CFAP61: variants seen among roughly 807,000 people sequenced by gnomAD.
The protein encoded by CFAP61 is cilia- and flagella-associated protein 61.
CFAP61 carries 107 observed loss-of-function variants against 135.6 expected under a neutral mutation model. The observed-to-expected ratio is 0.79, with a 90% CI of 0.67 to 0.93. CFAP61 has a LOEUF of 0.93. Among genes scored for constraint, CFAP61 ranks in the 40% least tolerant of loss-of-function variants. The pLI is 0.00. For synonymous variants in CFAP61, 575 were observed against 578.5 expected (o/e 0.99, Z 0.09); for missense variants, 1,507 against 1,556.2 (o/e 0.97, Z 0.53).
chr20:20,277,984 C>A (rs954226168), intron 22 of CFAP61, among the ~76,000 whole-genome samples: 12 of 152,212 alleles, frequency 7.9e-5, no homozygotes, highest in African/African-American at 2.9e-4. Context: ...CCTCTGAAAT[C>A]AAGCAGCATT....
Position 20,106,606 on chromosome 20 carries a change from T to C in CFAP61, c.859+7792T>C, listed in dbSNP as rs185542210. 2.6e-5 allele frequency among the ~76,000 whole-genome samples: 4 copies of C among 152,342 alleles called. No homozygotes were observed. In the East Asian group the frequency reaches 7.7e-4, roughly 29 times the overall value. Reference sequence around the variant, plus strand: ...GTGGCTTTATTTATATTCGTTATGATCATTATGTGCTGGGATTATTTTCTC... The same window carrying C: ...GTGGCTTTATTTATATTCGTTATGACCATTATGTGCTGGGATTATTTTCTC... On this transcript the variant is annotated intron_variant, in intron 8 of 26. Coordinates refer to ENST00000245957, the MANE Select transcript of CFAP61 (RefSeq NM_015585.4).
intron 21 of CFAP61, chr20:20,267,720 G>A (rs1373455462): frequency 6.6e-6 from 1 of 152,264 alleles, no homozygotes; most frequent in Non-Finnish European, 1.5e-5. Flanking sequence ...ACGGTTTGAA[G>A]GGTGAGTTAA....
At chr20:20,334,021 A>G (rs375533450) in intron 25 of CFAP61, among the ~76,000 whole-genome samples, 138 of 152,270 alleles carry the variant, frequency 9.1e-4, no homozygotes, top group African/African-American at 3.2e-3. Flanking sequence ...GAGGCAAACC[A>G]TGCACTTGGA....
chr20:20,360,417 G>A lies in CFAP61; in HGVS notation c.*7G>A, dbSNP rs368245807. ...GTGGCCAGGCATCGTTTAGTTGTAG[G>A]CAGGGTCTCCCCTTTATGGTTTTCA... On this transcript the variant is annotated 3_prime_UTR_variant, in exon 27 of 27. Coordinates refer to ENST00000245957, the MANE Select transcript of CFAP61 (RefSeq NM_015585.4). The A allele has an allele frequency of 3.1e-6, 5 of 1,612,968 alleles. No individual in the cohort carries two copies. The highest frequency in any genetic ancestry group is 1.7e-5 in the Admixed American group (1 of 60,000).
chr20:20,278,852 A>G (rs750886833), intron 22 of CFAP61, among the ~76,000 whole-genome samples: 9 of 152,192 alleles, frequency 5.9e-5, no homozygotes. Flanking sequence ...TTATTCATTC[A>G]TTCCATAAAT....
Position 20,231,781 on chromosome 20 carries a change from A to T in CFAP61, c.2060+3405A>T, listed in dbSNP as rs149642670. ...CTTGCATTGCAGGGCATTGAGGAAGAAAACACCAGCTTGTACTATGGGGTA... is the reference window on the plus strand; with the variant it reads ...CTTGCATTGCAGGGCATTGAGGAAGTAAACACCAGCTTGTACTATGGGGTA... On this transcript the variant is annotated intron_variant, in intron 18 of 26. Coordinates refer to ENST00000245957, the MANE Select transcript of CFAP61 (RefSeq NM_015585.4). 2.8e-3 allele frequency among the ~76,000 whole-genome samples: 431 copies of T among 152,362 alleles called. 4 individuals carry two copies. The highest frequency in any genetic ancestry group is 0.01 in the Middle Eastern group (3 of 294).
intron 22 of CFAP61, among the ~76,000 whole-genome samples, chr20:20,283,209 CT>C (rs2054332339): frequency 6.6e-6 from 1 of 151,992 alleles, no homozygotes; most frequent in Admixed American, 6.6e-5. Context: ...TTTGCTTTAT[CT>C]TTTTGGGGGC....
At chr20:20,205,844 T>C (rs2056832664) in intron 17 of CFAP61, among the ~76,000 whole-genome samples, 1 of 152,194 alleles carries the variant, frequency 6.6e-6, no homozygotes, top group African/African-American at 2.4e-5. Context: ...GTTACAAAAT[T>C]ATGGTGGCAG....
intron 8 of CFAP61, among the ~76,000 whole-genome samples, chr20:20,133,842 T>A (rs1478312428): frequency 6.6e-6 from 1 of 151,862 alleles, no homozygotes; most frequent in African/African-American, 2.4e-5. Flanking sequence ...CTGGTTGGCC[T>A]GGAGTCTACA....
chr20:20,174,623 G>A (rs1009380350), intron 13 of CFAP61, among the ~76,000 whole-genome samples: 9 of 152,098 alleles, frequency 5.9e-5, no homozygotes, highest in Admixed American at 1.3e-4. Flanking sequence ...TTTAAAGTCC[G>A]CACTCCTGCA....
At chr20:20,165,452 C>T (rs2053750858) in intron 11 of CFAP61, among the ~76,000 whole-genome samples, 1 of 152,168 alleles carries the variant, frequency 6.6e-6, no homozygotes, top group African/African-American at 2.4e-5. Flanking sequence ...AAAGAGGAGG[C>T]ATGCATGGTG....
intron 16 of CFAP61, 133 bp from the exon 17 acceptor site, chr20:20,199,635 T>C (rs936051389): frequency 4.5e-5 from 40 of 889,126 alleles, no homozygotes; most frequent in Non-Finnish European, 6.7e-5. Flanking sequence ...TATGTTTGTT[T>C]ATTTGCTGAT....
At chr20:20,191,458 CTTG>C in intron 15 of CFAP61, 39 bp downstream of exon 15, 1 of 1,477,872 alleles carries the variant, frequency 6.8e-7, no homozygotes, top group Non-Finnish European at 9.4e-7. Flanking sequence ...TTGATTGTGC[CTTG>C]CTATATCATG....
At chr20:20,185,724 G>A (rs1051506176) in intron 13 of CFAP61, among the ~76,000 whole-genome samples, 3 of 152,088 alleles carry the variant, frequency 2.0e-5, no homozygotes, top group African/African-American at 4.8e-5. Flanking sequence ...TCTGAGAGAG[G>A]CATATTAAAC....
At chr20:20,054,223 A>G (rs2044083360) in intron 1 of CFAP61, among the ~76,000 whole-genome samples, 1 of 151,498 alleles carries the variant, frequency 6.6e-6, no homozygotes, top group Non-Finnish European at 1.5e-5. Flanking sequence ...TTTGTATGAA[A>G]TTGTCTTTAT....
chr20:20,176,627 G>A (rs145470582), intron 13 of CFAP61, among the ~76,000 whole-genome samples: 159 of 152,206 alleles, frequency 1.0e-3, no homozygotes, highest in African/African-American at 3.6e-3. Flanking sequence ...AACACCGCAC[G>A]TTCTCACTTA....
At chr20:20,262,859 A>G in intron 20 of CFAP61, 97 bp from the exon 21 acceptor site, 1 of 558,782 alleles carries the variant, frequency 1.8e-6, no homozygotes, top group Non-Finnish European at 2.9e-6. Context: ...ACAGAAAAAG[A>G]CATACTGAAT....
intron 7 of CFAP61, among the ~76,000 whole-genome samples, chr20:20,093,267 T>G (rs1225378475): frequency 1.3e-5 from 2 of 152,094 alleles, no homozygotes; most frequent in African/African-American, 4.8e-5. Context: ...TAGACACTTC[T>G]GTAGAGACAG....
chr20:20,259,028 C>T (rs1414563531), intron 20 of CFAP61, among the ~76,000 whole-genome samples: 1 of 152,124 alleles, frequency 6.6e-6, no homozygotes, highest in Non-Finnish European at 1.5e-5. Flanking sequence ...TTCCCTTTAT[C>T]TCTCATTGAC....
Sources: gnomAD v4.1 joint callset for allele counts (sites outside exome capture counted in the v4.1 genomes callset) on GRCh38, gnomAD v4.1.1 for gene constraint, MANE v1.5 for transcripts, NCBI Gene and HGNC (gene_info 2026-07-23, HGNC 2026-07-21) for gene names.